ASIC2: variants seen among roughly 807,000 people sequenced by gnomAD.
ASIC2 encodes the protein acid sensing ion channel subunit 2.
ASIC2 carries 25 observed loss-of-function variants against 57.3 expected under a neutral mutation model. The observed-to-expected ratio is 0.44, with a 90% CI of 0.32 to 0.61. The LOEUF (loss-of-function observed/expected upper bound fraction) is 0.61, where lower values mean the gene tolerates loss of function less well. Among genes scored for constraint, ASIC2 ranks in the 20% least tolerant of loss-of-function variants. The probability of loss-of-function intolerance (pLI) is 0.06; values close to 1 mark genes in which losing one functional copy is unlikely to be tolerated. For synonymous variants in ASIC2, 319 were observed against 307.5 expected, an observed-to-expected ratio of 1.04 and a Z score of -0.39; for missense variants, 641 against 738.1, an observed-to-expected ratio of 0.87 and a Z score of 1.52.
chr17:33,773,657 T>A (rs1382801163), intron 1 of ASIC2, among the ~76,000 whole-genome samples: 2 of 21,462 alleles, frequency 9.3e-5, no homozygotes, highest in African/African-American at 1.8e-4. Context: ...AGTCTCTCTG[T>A]TTTTTTTTTT....
At chr17:33,185,682 CAGA>C (rs1339754448) in intron 1 of ASIC2, among the ~76,000 whole-genome samples, 3 of 152,156 alleles carry the variant, frequency 2.0e-5, no homozygotes, top group Non-Finnish European at 2.9e-5. Flanking sequence ...CAGAGATCTG[CAGA>C]AGGTCTCCCT....
At chr17:33,384,678 C>A (rs112933215) in intron 1 of ASIC2, among the ~76,000 whole-genome samples, 1 of 152,170 alleles carries the variant, frequency 6.6e-6, no homozygotes, top group African/African-American at 2.4e-5. Flanking sequence ...GGAAGAAGGA[C>A]GTGTCCTTCA....
chr17:33,585,300 A>G (rs1904587888), intron 1 of ASIC2, among the ~76,000 whole-genome samples: 1 of 152,146 alleles, frequency 6.6e-6, no homozygotes, highest in African/African-American at 2.4e-5. Flanking sequence ...ACCCAGTCCC[A>G]GGACCTCTGG....
chr17:33,919,773 C>A (rs1196284907), intron 1 of ASIC2, among the ~76,000 whole-genome samples: 1 of 152,196 alleles, frequency 6.6e-6, no homozygotes, highest in Non-Finnish European at 1.5e-5. Context: ...AATTATGCAT[C>A]CAGCAAAGGC....
intron 1 of ASIC2, among the ~76,000 whole-genome samples, chr17:33,281,161 C>G (rs1904930222): frequency 6.6e-6 from 1 of 152,188 alleles, no homozygotes; most frequent in African/African-American, 2.4e-5. Context: ...CTCAATCTCC[C>G]TCTCTGATTT....
In ASIC2 at chr17:33,174,848, T is replaced by TA. The variant is rs1375003415; in HGVS notation, c.709-62782dup. Among the ~76,000 whole-genome samples the TA allele has an allele frequency of 3.9e-5, 6 of 152,280 alleles. No individual in the cohort carries two copies. In the East Asian group the frequency reaches 1.2e-3, roughly 29 times the overall value. Reference sequence around the variant, plus strand: ...AGCAAGAAATGAGCTTGTGTTGTATTAAGCCACTGAGATTTGGAGGTTGTT... The same window carrying TA: ...AGCAAGAAATGAGCTTGTGTTGTATTAAAGCCACTGAGATTTGGAGGTTGTT... On this transcript the variant is annotated intron_variant, in intron 1 of 9. Coordinates refer to ENST00000225823, the MANE Select transcript of ASIC2 (RefSeq NM_183377.2).
chr17:33,205,377 C>T (rs895117630), intron 1 of ASIC2, among the ~76,000 whole-genome samples: 1 of 152,198 alleles, frequency 6.6e-6, no homozygotes, highest in Non-Finnish European at 1.5e-5. Context: ...CTTTTGGATG[C>T]TCTTTGGGAG....
At chr17:33,965,681 C>T (rs1050513574) in intron 1 of ASIC2, among the ~76,000 whole-genome samples, 3 of 152,190 alleles carry the variant, frequency 2.0e-5, no homozygotes, top group African/African-American at 7.2e-5. Flanking sequence ...GGCCAAGTAA[C>T]ATATCATAGA....
At chr17:33,287,469 G>A (rs985609263) in intron 1 of ASIC2, among the ~76,000 whole-genome samples, 1 of 152,156 alleles carries the variant, frequency 6.6e-6, no homozygotes, top group Non-Finnish European at 1.5e-5. Flanking sequence ...CCAATTACTG[G>A]GAAGGCTCCC....
At chr17:33,969,607 C>T (rs572923287) in intron 1 of ASIC2, among the ~76,000 whole-genome samples, 1 of 152,326 alleles carries the variant, frequency 6.6e-6, no homozygotes, top group South Asian at 2.1e-4. Flanking sequence ...CTCCGTCCCA[C>T]TGGGGTCTCT....
chr17:33,634,514 CTTT>C lies in ASIC2; in HGVS notation c.555+521461_555+521463del, dbSNP rs71144891. On this transcript the variant is annotated intron_variant, in intron 1 of 9. Transcript: ENST00000359872. ...TTCAGAGAGAGAAAAACTTTTTTTT[CTTT>C]TTTTTTTTTTTTTTTTGAGACAGAG... Among the ~76,000 whole-genome samples, 441 of 118,476 alleles carry C rather than the reference CTTT, an allele frequency of 3.7e-3. 1 individual carries two copies. The highest frequency in any genetic ancestry group is 0.013 in the African/African-American group (377 of 29,806). The allele number at this position is 118,476 out of a possible 152,430, so 77.7% of individuals were successfully genotyped here.
intron 1 of ASIC2, among the ~76,000 whole-genome samples, chr17:33,159,785 T>A (rs1253319143): frequency 6.6e-6 from 1 of 152,176 alleles, no homozygotes; most frequent in Non-Finnish European, 1.5e-5. Context: ...CTTGGATGAG[T>A]TACTTAATCT....
At chr17:33,908,121 A>G (rs550664072) in intron 1 of ASIC2, among the ~76,000 whole-genome samples, 1 of 152,188 alleles carries the variant, frequency 6.6e-6, no homozygotes, top group South Asian at 2.1e-4. Flanking sequence ...GCTTTCCATC[A>G]TTCTCTGCCC....
At chr17:33,615,346 T>A (rs1187053206) in intron 1 of ASIC2, among the ~76,000 whole-genome samples, 1 of 152,192 alleles carries the variant, frequency 6.6e-6, no homozygotes, top group African/African-American at 2.4e-5. Context: ...GTTATTATTT[T>A]AAAAAATCTA....
At chr17:33,742,245 C>A (rs1910134707) in intron 1 of ASIC2, among the ~76,000 whole-genome samples, 1 of 152,218 alleles carries the variant, frequency 6.6e-6, no homozygotes, top group South Asian at 2.1e-4. Context: ...GTGCTCCAGC[C>A]ACAAGGGCAC....
chr17:33,339,393 C>G (rs967593712), intron 1 of ASIC2, among the ~76,000 whole-genome samples: 2 of 152,138 alleles, frequency 1.3e-5, no homozygotes, highest in African/African-American at 4.8e-5. Flanking sequence ...CAGCCCTTGG[C>G]AATATGCAAA....
At chr17:33,396,030 C>T (rs1270756294) in intron 1 of ASIC2, among the ~76,000 whole-genome samples, 1 of 152,166 alleles carries the variant, frequency 6.6e-6, no homozygotes, top group African/African-American at 2.4e-5. Context: ...AGACTCTTGT[C>T]TTTCACTTTT....
In ASIC2 at chr17:34,036,119, A is replaced by G. The variant is rs900089338; in HGVS notation, c.555+119859T>C. Among the ~76,000 whole-genome samples, 8 of 152,084 alleles carry G rather than the reference A, an allele frequency of 5.3e-5. No individual in the cohort carries two copies. The East Asian group carries it at 1.5e-3, about 29-fold the overall frequency. On this transcript the variant is annotated intron_variant, in intron 1 of 9. Transcript: ENST00000359872. ...TCACAATAGCAAAGACTTGGAACCAACCTAAATGTCCAACAACGATAGACT... is the reference window on the plus strand; with the variant it reads ...TCACAATAGCAAAGACTTGGAACCAGCCTAAATGTCCAACAACGATAGACT...
intron 1 of ASIC2, among the ~76,000 whole-genome samples, chr17:34,025,671 G>T (rs1013778900): frequency 1.3e-5 from 2 of 152,192 alleles, no homozygotes; most frequent in African/African-American, 4.8e-5. Context: ...GTAATAGCAG[G>T]TTAGGATCGG....
Sources: allele counts gnomAD v4.1 joint callset (sites outside exome capture counted in the v4.1 genomes callset), GRCh38; gene constraint gnomAD v4.1.1; transcripts MANE v1.5; gene names NCBI Gene and HGNC (gene_info 2026-07-23, HGNC 2026-07-21).